TTC28: variants seen among roughly 807,000 people sequenced by gnomAD.
TTC28 encodes tetratricopeptide repeat domain 28, also known as tetratricopeptide repeat protein 28.
TTC28 carries 61 observed loss-of-function variants against 198.0 expected under a neutral mutation model. The ratio of observed to expected loss-of-function variants is 0.31; its 90% CI spans 0.25 to 0.38. TTC28 has a LOEUF of 0.38. Ranked by LOEUF, TTC28 falls within the 10% of genes least tolerant of loss-of-function variation. TTC28 has a pLI of 1.00. For missense variants in TTC28, 2,678 were observed against 3,164.0 expected (o/e 0.85, Z 3.69); for synonymous variants, 1,171 against 1,297.8 (o/e 0.90, Z 2.10).
intron 19 of TTC28, among the ~76,000 whole-genome samples, chr22:27,991,333 A>G (rs1054642064): frequency 6.6e-6 from 1 of 152,352 alleles, no homozygotes; most frequent in South Asian, 2.1e-4. Flanking sequence ...TTTGTAGAAC[A>G]CAGACCTCTA....
At chr22:28,576,717 C>T (rs1275663221) in intron 2 of TTC28, among the ~76,000 whole-genome samples, 2 of 151,924 alleles carry the variant, frequency 1.3e-5, no homozygotes, top group Admixed American at 6.6e-5. Context: ...TCTTGGTAGG[C>T]TATATGTGTC....
intron 2 of TTC28, among the ~76,000 whole-genome samples, chr22:28,601,687 T>TTATAGTCTTCTATAGACTTC (rs2050640658): frequency 6.6e-6 from 1 of 151,570 alleles, no homozygotes; most frequent in Admixed American, 6.6e-5. Context: ...TATACTAAGA[T>TTATAGTCTTCTATAGACTTC]TATAGAGCCT....
Position 28,652,888 on chromosome 22 carries a change from A to G in TTC28, c.103-23058T>C, listed in dbSNP as rs1392955222. ...CCTATTGTATAAATATGCACTCAGT[A>G]TATACCACAGAATACCTATACTCCA... On this transcript the variant is annotated intron_variant, in intron 1 of 22. Transcript: ENST00000397906. Among the ~76,000 whole-genome samples the G allele has an allele frequency of 2.6e-5, 4 of 152,296 alleles. No individual in the cohort carries two copies. In the South Asian group the frequency reaches 8.3e-4, roughly 32 times the overall value.
intron 1 of TTC28, among the ~76,000 whole-genome samples, chr22:28,648,823 T>G (rs2051521271): frequency 6.6e-6 from 1 of 151,960 alleles, no homozygotes; most frequent in South Asian, 2.1e-4. Context: ...ACAGGAGAAT[T>G]GCTGGAGCCT....
intron 2 of TTC28, among the ~76,000 whole-genome samples, chr22:28,522,621 AC>A (rs2048930873): frequency 6.6e-6 from 1 of 152,162 alleles, no homozygotes; most frequent in South Asian, 2.1e-4. Context: ...GGGTTTAACA[AC>A]AGATTAGTGA....
At chr22:28,072,146 G>A (rs1941009556) in intron 12 of TTC28, among the ~76,000 whole-genome samples, 1 of 152,216 alleles carries the variant, frequency 6.6e-6, no homozygotes, top group Non-Finnish European at 1.5e-5. Flanking sequence ...AGAAATGTAA[G>A]AAATAACTAT....
At chr22:28,259,220 C>T (rs1326148027) in intron 5 of TTC28, among the ~76,000 whole-genome samples, 1 of 152,054 alleles carries the variant, frequency 6.6e-6, no homozygotes, top group African/African-American at 2.4e-5. Context: ...TCTTCAAGGG[C>T]AGAGATTGAA....
intron 2 of TTC28, among the ~76,000 whole-genome samples, chr22:28,311,129 A>T (rs913715437): frequency 2.0e-5 from 3 of 151,966 alleles, no homozygotes; most frequent in Non-Finnish European, 4.4e-5. Flanking sequence ...GAACTTTTAA[A>T]ATCTCCTGAA....
intron 2 of TTC28, among the ~76,000 whole-genome samples, chr22:28,339,176 T>TTGCAGAACAGCGGATGC (rs1270891725): frequency 9.9e-5 from 15 of 151,966 alleles, no homozygotes; most frequent in African/African-American, 1.4e-4. Context: ...GCAGTGGAGG[T>TTGCAGAACAGCGGATGC]TGCAGAACAG....
At chr22:28,530,342 A>T (rs1349569855) in intron 2 of TTC28, among the ~76,000 whole-genome samples, 1 of 152,212 alleles carries the variant, frequency 6.6e-6, no homozygotes, top group Non-Finnish European at 1.5e-5. Flanking sequence ...AAATGAAGCG[A>T]GAAGACAAGT....
intron 5 of TTC28, among the ~76,000 whole-genome samples, chr22:28,216,456 G>A (rs1927408721): frequency 6.6e-6 from 1 of 152,192 alleles, no homozygotes; most frequent in Non-Finnish European, 1.5e-5. Flanking sequence ...TGAGAGACAT[G>A]TTAACACATG....
At chr22:28,433,238 G>A (rs1457793550) in intron 2 of TTC28, among the ~76,000 whole-genome samples, 1 of 152,106 alleles carries the variant, frequency 6.6e-6, no homozygotes. Flanking sequence ...AAAATATACT[G>A]TCTATAAAAC....
chr22:27,989,035 C>A (rs1937307150), intron 21 of TTC28, among the ~76,000 whole-genome samples: 1 of 152,232 alleles, frequency 6.6e-6, no homozygotes, highest in East Asian at 1.9e-4. Flanking sequence ...TCAAAAGAAA[C>A]CTGTGGAGTG....
At chr22:28,539,384 C>G (rs1332773653) in intron 2 of TTC28, among the ~76,000 whole-genome samples, 1 of 152,126 alleles carries the variant, frequency 6.6e-6, no homozygotes, top group Non-Finnish European at 1.5e-5. Context: ...CTTGTAATCC[C>G]AACACTTTGG....
chr22:28,517,514 A>C (rs1056557123), intron 2 of TTC28, among the ~76,000 whole-genome samples: 1 of 152,160 alleles, frequency 6.6e-6, no homozygotes, highest in Non-Finnish European at 1.5e-5. Flanking sequence ...CTTCACCCTC[A>C]AAAAAAGGAA....
intron 5 of TTC28, among the ~76,000 whole-genome samples, chr22:28,228,748 C>G (rs190053030): frequency 6.1e-4 from 93 of 152,148 alleles, no homozygotes; most frequent in African/African-American, 2.2e-3. Flanking sequence ...AGACTTCACT[C>G]AAGATCTGAG....
chr22:28,509,478 AACT>A (rs1213639657), intron 2 of TTC28, among the ~76,000 whole-genome samples: 1 of 152,196 alleles, frequency 6.6e-6, no homozygotes, highest in Non-Finnish European at 1.5e-5. Context: ...AGTTCTTTGA[AACT>A]ACTGAGAACA....
At chr22:28,004,361 G>A (rs1481887661) in intron 14 of TTC28, among the ~76,000 whole-genome samples, 2 of 152,242 alleles carry the variant, frequency 1.3e-5, no homozygotes, top group Non-Finnish European at 2.9e-5. Flanking sequence ...GTACCCAAGA[G>A]TAATTCAGAC....
chr22:28,204,613 C>T (rs531290101), intron 5 of TTC28, among the ~76,000 whole-genome samples: 1 of 152,126 alleles, frequency 6.6e-6, no homozygotes, highest in South Asian at 2.1e-4. Flanking sequence ...GACTACCCTG[C>T]CACACAAGGA....
Sources: allele counts gnomAD v4.1 joint callset (sites outside exome capture counted in the v4.1 genomes callset), GRCh38; gene constraint gnomAD v4.1.1; transcripts MANE v1.5; gene names NCBI Gene and HGNC (gene_info 2026-07-23, HGNC 2026-07-21).